Variants in LALBA observed in about 807,000 individuals in gnomAD.
LALBA encodes alpha-lactalbumin.
Under a neutral mutation model 13.4 loss-of-function variants are expected in LALBA, and 12 were observed. That is an observed-to-expected ratio of 0.89 (90% confidence interval 0.57 to 1.45). The LOEUF is 1.45. Among genes scored for constraint, LALBA ranks in the 40% most tolerant of loss-of-function variants. The pLI is 0.00. For missense variants in LALBA, 145 were observed against 165.9 expected, an observed-to-expected ratio of 0.87 and a Z score of 0.69; for synonymous variants, 64 against 61.0, an observed-to-expected ratio of 1.05 and a Z score of -0.23.
chr12:48,571,752 C>G (rs922696734), upstream of LALBA, among the ~76,000 whole-genome samples: 3 of 152,136 alleles, frequency 2.0e-5, no homozygotes, highest in African/African-American at 7.2e-5. Context: ...TGAAGGTCTT[C>G]CATATCGTTA....
intron 2 of LALBA, 119 bp downstream of exon 2, chr12:48,568,963 A>G: frequency 1.1e-6 from 1 of 892,500 alleles, no homozygotes; most frequent in Non-Finnish European, 1.7e-6. Context: ...CAAGTCCCAC[A>G]ATTTTTATAG....
chr12:48,570,488 A>G (rs1268818157), upstream of LALBA, among the ~76,000 whole-genome samples: 1 of 152,168 alleles, frequency 6.6e-6, no homozygotes, highest in Non-Finnish European at 1.5e-5. Context: ...ATCACATGCC[A>G]CAGTCCCAGG....
Position 48,569,254 on chromosome 12 carries a change from G to C in LALBA, c.134-14C>G, listed in dbSNP as rs1565588539. ...TGGTACAGATCACTGAGGGAAAGAT[G>C]AGAAAGAGATACCACAGAGATGTAC... On this transcript the variant is annotated splice_polypyrimidine_tract_variant and intron_variant, in intron 1 of 3. Coordinates refer to ENST00000301046, the MANE Select transcript of LALBA (RefSeq NM_002289.3). 1 of 1,602,940 alleles carries C rather than the reference G, an allele frequency of 6.2e-7. No individual in the cohort carries two copies. The highest frequency in any genetic ancestry group is 1.7e-5 in the Admixed American group (1 of 58,960).
chr12:48,567,889 G>T lies in LALBA; in HGVS notation c.*68C>A. 1 of 1,274,060 alleles carries T rather than the reference G, an allele frequency of 7.8e-7. No homozygotes were observed. Among genetic ancestry groups the T allele is most frequent in the South Asian group, 1.3e-5 (1 of 79,156 alleles). 78.9% of individuals were successfully genotyped at this position (1,274,060 alleles called of 1,614,324 possible). A position where few individuals can be genotyped will look rare whatever the true frequency, so the allele number is the denominator to read the frequency against. On this transcript the variant is annotated 3_prime_UTR_variant, in exon 4 of 4. Coordinates refer to ENST00000301046, the MANE Select transcript of LALBA (RefSeq NM_002289.3). ...TTGGGGGAACAGAAAGAAACAAACT[G>T]AGGTGGCATTAGGGAAGAGGTATTC...
At chr12:48,570,133 G>T, upstream of LALBA, 1 of 1,151,130 alleles carries the variant, frequency 8.7e-7, no homozygotes, top group Non-Finnish European at 1.3e-6. Flanking sequence ...GGAAGAGAAT[G>T]AAGAGAGACT....
At chr12:48,569,780 A>T in intron 1 of LALBA, 108 bp downstream of exon 1, 1 of 961,350 alleles carries the variant, frequency 1.0e-6, no homozygotes, top group Non-Finnish European at 1.6e-6. Context: ...AGCAGAAAAG[A>T]GGATGATTAG....
intron 3 of LALBA, 56 bp downstream of exon 3, chr12:48,568,461 G>A: frequency 1.0e-6 from 1 of 976,188 alleles, no homozygotes; most frequent in Non-Finnish European, 1.7e-6. Flanking sequence ...GGGGTGCTGG[G>A]CTAATGGGGT....
upstream of LALBA, chr12:48,570,103 G>A (rs1592225727): frequency 6.8e-7 from 1 of 1,466,314 alleles, no homozygotes; most frequent in East Asian, 2.3e-5. Context: ...CAGGGGCTCT[G>A]GTACCAAGCC....
rs761044024 is a variant in LALBA, at chr12:48,569,094, T to C, written c.280A>G (p.Ile94Val). Residue 94 changes from isoleucine (I) to valine (V), a missense_variant, in exon 2 of 4, where the codon ATC (isoleucine) becomes GTC (valine). Coordinates refer to ENST00000301046, the MANE Select transcript of LALBA (RefSeq NM_002289.3). ...AGGGGCTACTCACTGTCACAGGAGA[T>C]GTCACAGATGTTCCTTGACTGAGGG... is the stretch of plus-strand genomic sequence containing the variant. ...QVPQSRNICD[I>V]SCDKFLDDDI... 6.2e-7 allele frequency: 1 copy of C among 1,611,352 alleles called. No homozygotes were observed. Among genetic ancestry groups the C allele is most frequent in the Admixed American group, 1.7e-5 (1 of 59,056 alleles).
At position 48,569,972 on chromosome 12, in the gene LALBA, T is replaced by C. The variant is rs749197732; in HGVS notation, c.49A>G (p.Ile17Val). 6.8e-6 allele frequency: 11 copies of C among 1,614,042 alleles called. No individual in the cohort carries two copies. The highest frequency in any genetic ancestry group is 1.6e-4 in the Middle Eastern group (1 of 6,062). Residue 17 changes from isoleucine (I) to valine (V), a missense_variant, in exon 1 of 4, where the codon ATC becomes GTC. By Grantham distance (29) the Ile-to-Val change is conservative. Coordinates refer to ENST00000301046, the MANE Select transcript of LALBA (RefSeq NM_002289.3). The part of the protein sequence containing the change: ...LFLVGILFPA[I>V]LAKQFTKCEL... Reference sequence around the variant, plus strand: ...CATTTTGTGAATTGCTTGGCCAGGATGGCAGGGAACAGGATGCCCACCAGG... The same window carrying C: ...CATTTTGTGAATTGCTTGGCCAGGACGGCAGGGAACAGGATGCCCACCAGG...
intron 3 of LALBA, 88 bp from the exon 4 acceptor site, chr12:48,568,105 G>T: frequency 1.0e-6 from 1 of 989,960 alleles, no homozygotes; most frequent in Non-Finnish European, 1.6e-6. Context: ...GAGCGTGGAC[G>T]AGAATTACAG....
At chr12:48,570,104 G>A, upstream of LALBA, 5 of 1,456,806 alleles carry the variant, frequency 3.4e-6, no homozygotes, top group Non-Finnish European at 4.8e-6. Context: ...AGGGGCTCTG[G>A]TACCAAGCCC....
At chr12:48,570,449 A>G (rs1449954686), upstream of LALBA, among the ~76,000 whole-genome samples, 2 of 152,168 alleles carry the variant, frequency 1.3e-5, no homozygotes, top group Non-Finnish European at 2.9e-5. Context: ...CCCTAGAGAC[A>G]TGCAGAATGT....
upstream of LALBA, among the ~76,000 whole-genome samples, chr12:48,570,798 C>A (rs948685350): frequency 6.6e-6 from 1 of 151,870 alleles, no homozygotes; most frequent in African/African-American, 2.4e-5. Context: ...GCCTGGGCAA[C>A]ATGGTAAAAT....
Position 48,567,791 on chromosome 12 carries a change from G to C in LALBA, c.*166C>G, listed in dbSNP as rs919797315. 9.5e-6 allele frequency: 6 copies of C among 633,396 alleles called. No individual in the cohort carries two copies. The highest frequency in any genetic ancestry group is 4.4e-4 in the Middle Eastern group (1 of 2,290). 39.2% of individuals were successfully genotyped at this position (633,396 alleles called of 1,614,324 possible). A position where few individuals can be genotyped will look rare whatever the true frequency, so the allele number is the denominator to read the frequency against. On this transcript the variant is annotated 3_prime_UTR_variant, in exon 4 of 4. Coordinates refer to ENST00000301046, the MANE Select transcript of LALBA (RefSeq NM_002289.3). ...GTCTAGAGCTCAGTGCACCACTCAG[G>C]CATCCCTGGAAAATAGTCTTCAAGA...
chr12:48,570,212 C>A, upstream of LALBA: 1 of 613,060 alleles, frequency 1.6e-6, no homozygotes, highest in East Asian at 2.8e-5. Flanking sequence ...TTTCCTTTCC[C>A]TCTCCCAGTA....
At chr12:48,570,373 G>A (rs1165572054), upstream of LALBA, among the ~76,000 whole-genome samples, 2 of 152,046 alleles carry the variant, frequency 1.3e-5, no homozygotes, top group South Asian at 2.1e-4. Context: ...AAGGGCATGG[G>A]GGCAATATAA....
intron 2 of LALBA, 42 bp downstream of exon 2, chr12:48,569,040 G>C (rs776416733): frequency 3.3e-6 from 5 of 1,528,122 alleles, no homozygotes; most frequent in African/African-American, 1.4e-5. Context: ...CCAAGGGCAG[G>C]CCTCAGAAAA....
At chr12:48,571,066 A>C (rs74679476), upstream of LALBA, among the ~76,000 whole-genome samples, 2,016 of 151,982 alleles carry the variant, frequency 0.013, 51 homozygotes, top group African/African-American at 0.046. Context: ...ACCGTAAATA[A>C]CCAAATACTA....
Sources: gnomAD v4.1 joint callset for allele counts (sites outside exome capture counted in the v4.1 genomes callset) on GRCh38, gnomAD v4.1.1 for gene constraint, MANE v1.5 for transcripts, NCBI Gene and HGNC (gene_info 2026-07-23, HGNC 2026-07-21) for gene names.